WDPCP: variants seen among roughly 807,000 people sequenced by gnomAD.
The protein encoded by WDPCP is WD repeat containing planar cell polarity effector.
WDPCP carries 71 observed loss-of-function variants against 93.1 expected under a neutral mutation model. The ratio of observed to expected loss-of-function variants is 0.76; its 90% CI spans 0.63 to 0.93. The LOEUF is 0.93. WDPCP is among the 40% of genes least tolerant of loss of function. WDPCP has a pLI of 0.00. For missense variants in WDPCP, 844 were observed against 887.4 expected, an observed-to-expected ratio of 0.95 and a Z score of 0.62; for synonymous variants, 315 against 315.0, an observed-to-expected ratio of 1.00 and a Z score of 0.00.
chr2:63,363,060 GA>G (rs1690606758), intron 12 of WDPCP, among the ~76,000 whole-genome samples: 1 of 152,004 alleles, frequency 6.6e-6, no homozygotes, highest in African/African-American at 2.4e-5. Flanking sequence ...CACTTATTTA[GA>G]TTTTTTTTTA....
chr2:63,308,619 C>A (rs748819649), intron 13 of WDPCP, among the ~76,000 whole-genome samples: 1 of 152,054 alleles, frequency 6.6e-6, no homozygotes, highest in African/African-American at 2.4e-5. Flanking sequence ...TGGAAACCAT[C>A]ATTCTCAGCA....
upstream of WDPCP, among the ~76,000 whole-genome samples, chr2:63,592,735 T>A (rs559942557): frequency 6.6e-6 from 1 of 152,372 alleles, no homozygotes; most frequent in Admixed American, 6.5e-5. Flanking sequence ...TACATTTCCA[T>A]CTTTTTGATA....
intron 14 of WDPCP, among the ~76,000 whole-genome samples, chr2:63,190,424 C>A (rs1362324502): frequency 7.5e-6 from 1 of 133,528 alleles, no homozygotes; most frequent in Non-Finnish European, 1.6e-5. Flanking sequence ...CAGGGTGAGA[C>A]CTTGTCTCAA....
intron 1 of WDPCP, among the ~76,000 whole-genome samples, chr2:63,566,046 T>C (rs1228385805): frequency 1.3e-5 from 2 of 152,242 alleles, no homozygotes; most frequent in East Asian, 1.9e-4. Context: ...AGATATAAAA[T>C]GGATCCTTCT....
chr2:63,321,038 TA>T (rs1274607401), intron 12 of WDPCP, among the ~76,000 whole-genome samples: 1 of 151,914 alleles, frequency 6.6e-6, no homozygotes, highest in Non-Finnish European at 1.5e-5. Context: ...TAATATACTT[TA>T]AAAAACAGTA....
At chr2:63,565,116 T>C (rs1706939840) in intron 1 of WDPCP, among the ~76,000 whole-genome samples, 1 of 152,110 alleles carries the variant, frequency 6.6e-6, no homozygotes, top group Non-Finnish European at 1.5e-5. Flanking sequence ...CTGTCCAGAA[T>C]GATGAAAGCA....
intron 14 of WDPCP, 126 bp downstream of exon 14, chr2:63,259,181 T>G (rs1681391891): frequency 1.3e-6 from 1 of 797,082 alleles, no homozygotes; most frequent in Non-Finnish European, 2.0e-6. Context: ...ATTCTTCTTT[T>G]TATAAGGCAC....
the WDPCP span, among the ~76,000 whole-genome samples, chr2:63,835,407 A>G: frequency 6.6e-6 from 1 of 150,918 alleles, no homozygotes; most frequent in Non-Finnish European, 1.5e-5. Flanking sequence ...AAAAAAAAAA[A>G]AAAAAGAAGA....
intron 3 of WDPCP, among the ~76,000 whole-genome samples, chr2:63,596,876 G>A (rs1187938097): frequency 2.0e-5 from 3 of 152,202 alleles, no homozygotes; most frequent in African/African-American, 7.2e-5. Flanking sequence ...ATGGTGGCGA[G>A]TTAATCTCTT....
At chr2:63,644,243 CTT>C (rs1167296293) in intron 3 of WDPCP, among the ~76,000 whole-genome samples, 5 of 118,456 alleles carry the variant, frequency 4.2e-5, no homozygotes, top group Admixed American at 9.8e-5. Context: ...TTCTCCTCTA[CTT>C]TTTTTTTTTT....
At chr2:63,544,745 A>T (rs1437138033) in intron 1 of WDPCP, among the ~76,000 whole-genome samples, 1 of 152,168 alleles carries the variant, frequency 6.6e-6, no homozygotes, top group Non-Finnish European at 1.5e-5. Flanking sequence ...GTATGCTACT[A>T]TTAGTTTCCT....
intron 12 of WDPCP, among the ~76,000 whole-genome samples, chr2:63,356,622 G>A (rs554452914): frequency 6.6e-5 from 10 of 152,186 alleles, no homozygotes; most frequent in South Asian, 4.1e-4. Context: ...TATGAATATC[G>A]CTCAAAACCA....
At chr2:63,155,983 C>T (rs773237237) in intron 15 of WDPCP, among the ~76,000 whole-genome samples, 3 of 151,944 alleles carry the variant, frequency 2.0e-5, no homozygotes, top group Non-Finnish European at 2.9e-5. Flanking sequence ...GAGTCCAAAC[C>T]GTAAACACGT....
chr2:63,644,522 G>A (rs1000184942), intron 3 of WDPCP, among the ~76,000 whole-genome samples: 3 of 152,118 alleles, frequency 2.0e-5, no homozygotes, highest in South Asian at 4.1e-4. Flanking sequence ...GATTACAGGC[G>A]TGAGCCACCG....
At chr2:63,157,059 T>G (rs1052768804) in intron 15 of WDPCP, among the ~76,000 whole-genome samples, 1 of 151,578 alleles carries the variant, frequency 6.6e-6, no homozygotes, top group East Asian at 1.9e-4. Context: ...TTTTTTTTTT[T>G]TTTAATTATG....
chr2:63,233,791 C>T (rs537438798), intron 14 of WDPCP, among the ~76,000 whole-genome samples: 35 of 152,120 alleles, frequency 2.3e-4, no homozygotes, highest in Non-Finnish European at 3.7e-4. Flanking sequence ...CTGCATGCCT[C>T]GACTTGCAGG....
intron 1 of WDPCP, among the ~76,000 whole-genome samples, chr2:63,552,498 A>G (rs910587515): frequency 4.6e-5 from 7 of 152,230 alleles, no homozygotes; most frequent in East Asian, 1.9e-4. Context: ...CAGGAAGATT[A>G]TAAGGTATAA....
intron 2 of WDPCP, among the ~76,000 whole-genome samples, chr2:63,758,404 G>A (rs1385545240): frequency 6.6e-6 from 1 of 152,128 alleles, no homozygotes; most frequent in African/African-American, 2.4e-5. Flanking sequence ...TGGGTTTCAG[G>A]GTAATCAGGA....
intron 1 of WDPCP, among the ~76,000 whole-genome samples, chr2:63,567,205 G>T (rs1462246825): frequency 6.6e-6 from 1 of 152,076 alleles, no homozygotes; most frequent in African/African-American, 2.4e-5. Flanking sequence ...TCAACCTCTA[G>T]CCCCTCTCCC....
Sources: allele counts gnomAD v4.1 joint callset (sites outside exome capture counted in the v4.1 genomes callset), GRCh38; gene constraint gnomAD v4.1.1; transcripts MANE v1.5; gene names NCBI Gene and HGNC (gene_info 2026-07-23, HGNC 2026-07-21).